Variants in SMG7 observed in about 807,000 individuals in gnomAD.
SMG7 encodes SMG7 nonsense mediated mRNA decay factor.
In SMG7, 34 loss-of-function variants were observed where a neutral mutation model predicts 148.2. The ratio of observed to expected loss-of-function variants is 0.23; its 90% CI spans 0.17 to 0.31. The LOEUF is 0.31. SMG7 is among the 10% of genes least tolerant of loss of function. The pLI is 1.00. For synonymous variants in SMG7, 492 were observed against 515.1 expected, an observed-to-expected ratio of 0.96 and a Z score of 0.61; for missense variants, 1,114 against 1,408.4, an observed-to-expected ratio of 0.79 and a Z score of 3.35.
In SMG7 at chr1:183,527,854, A is replaced by C. The variant is rs74129810; in HGVS notation, c.485-102A>C. On this transcript the variant is annotated intron_variant, in intron 5 of 22. Transcript: ENST00000688051. This position sits in a 1 kb window ranked among gnomAD's most constrained non-coding sequence, Gnocchi z 4.0. ...TTGTCTTTAATTTTAAATTAACTTT[A>C]ATGTCTTTATTATCTTTAGAACTTA... 5.4e-6 allele frequency: 4 copies of C among 735,514 alleles called. No individual in the cohort carries two copies. The highest frequency in any genetic ancestry group is 9.3e-6 in the Non-Finnish European group (4 of 428,276). 45.6% of individuals were successfully genotyped at this position (735,514 alleles called of 1,614,324 possible).
chr1:183,487,091 C>G (rs1655635870), intron 1 of SMG7, among the ~76,000 whole-genome samples: 1 of 152,178 alleles, frequency 6.6e-6, no homozygotes, highest in African/African-American at 2.4e-5. Flanking sequence ...CCTGCTCTAA[C>G]AAATTACTAC....
intron 1 of SMG7, among the ~76,000 whole-genome samples, chr1:183,493,379 T>TA (rs1657555649): frequency 6.6e-6 from 1 of 152,242 alleles, no homozygotes; most frequent in Non-Finnish European, 1.5e-5. Context: ...TATATATATA[T>TA]TTTTAAATTT....
chr1:183,474,331 G>A (rs1651553332), intron 1 of SMG7, among the ~76,000 whole-genome samples: 1 of 152,244 alleles, frequency 6.6e-6, no homozygotes, highest in Non-Finnish European at 1.5e-5. Flanking sequence ...GGGAGGCCTA[G>A]GCGGGAGGAT....
chr1:183,499,146 A>G (rs1404547728), intron 1 of SMG7, among the ~76,000 whole-genome samples: 1 of 152,210 alleles, frequency 6.6e-6, no homozygotes, highest in African/African-American at 2.4e-5. Flanking sequence ...CCTTTCCCCT[A>G]CTGAAGGATA....
At chr1:183,495,075 C>T (rs1283731341) in intron 1 of SMG7, among the ~76,000 whole-genome samples, 1 of 152,056 alleles carries the variant, frequency 6.6e-6, no homozygotes, top group East Asian at 1.9e-4. Flanking sequence ...GATCCATCCA[C>T]CTCGGCCTCT....
chr1:183,495,695 C>A (rs192405203), intron 1 of SMG7, among the ~76,000 whole-genome samples: 1 of 152,140 alleles, frequency 6.6e-6, no homozygotes, highest in South Asian at 2.1e-4. Context: ...ATGGGGAAAC[C>A]CATCTCTACT....
At chr1:183,507,550 C>T (rs1306692702) in intron 1 of SMG7, among the ~76,000 whole-genome samples, 1 of 152,104 alleles carries the variant, frequency 6.6e-6, no homozygotes, top group Non-Finnish European at 1.5e-5. Flanking sequence ...GTTTCTTGCA[C>T]TATAAAGTGG....
Position 183,552,381 on chromosome 1 carries a change from CTTA to C in SMG7, c.*451_*453del. Reference sequence around the variant, plus strand: ...GACTGAGAATGTAGTTGAAATTATTCTTAAACATCTTTTATTATTATTACTCTC... The same window carrying C: ...GACTGAGAATGTAGTTGAAATTATTCAACATCTTTTATTATTATTACTCTC... On this transcript the variant is annotated 3_prime_UTR_variant, in exon 23 of 23. Transcript: ENST00000688051. The C allele has an allele frequency of 1.3e-6, 1 of 747,742 alleles. No homozygotes were observed. The highest frequency in any genetic ancestry group is 3.3e-5 in the African/African-American group (1 of 30,540). 46.3% of individuals were successfully genotyped at this position (747,742 alleles called of 1,614,324 possible). A position where few individuals can be genotyped will look rare whatever the true frequency, so the allele number is the denominator to read the frequency against.
intron 4 of SMG7, among the ~76,000 whole-genome samples, chr1:183,526,155 TA>T (rs143519693): frequency 0.62 from 70,294 of 112,980 alleles, 17,601 homozygotes; most frequent in East Asian, 0.69. Context: ...TATATATATA[TA>T]TTTTTTTTTT....
chr1:183,498,709 C>A (rs1428651047), intron 1 of SMG7, among the ~76,000 whole-genome samples: 1 of 152,136 alleles, frequency 6.6e-6, no homozygotes, highest in African/African-American at 2.4e-5. Flanking sequence ...ATGAACATTC[C>A]CCACCAGAGT....
chr1:183,520,071 C>A (rs940467095), intron 4 of SMG7, among the ~76,000 whole-genome samples: 2 of 151,224 alleles, frequency 1.3e-5, no homozygotes, highest in African/African-American at 2.4e-5. Flanking sequence ...TAGATCAGTG[C>A]ATATTTAATA....
Position 183,542,349 on chromosome 1 carries a change from T to C in SMG7, c.1689T>C (p.Ser563=). 1 of 1,613,844 alleles carries C rather than the reference T, an allele frequency of 6.2e-7. No homozygotes were observed. Among genetic ancestry groups the C allele is most frequent in the Non-Finnish European group, 8.5e-7 (1 of 1,179,950 alleles). The part of the protein sequence containing the change: ...TREVNRDQGR[S]FPPKEVRRDY... ...AAGTGAACAGAGACCAAGGAAGAAG[T>C]TTTCCTCCCAAAGAGGTGAGAAGGG... The change falls in exon 14 of 23, where the codon AGT becomes AGC. Residue 563 remains serine (S), a synonymous_variant. Transcript: ENST00000688051.
rs763578957 is a variant in SMG7, at chr1:183,541,013, G to T, written c.1325G>T (p.Gly442Val). Residue 442 changes from glycine (G) to valine (V), a missense_variant, in exon 13 of 23, where the codon GGT (glycine) becomes GTT (valine). Around this residue, in one of 4 missense-constraint regions of SMG7, gnomAD observed 788 missense variants for 894.5 expected, o/e 0.88. Transcript: ENST00000688051. ...RNLDFSKGHQGITGDKEGQQR... is the reference protein window; with the variant it reads ...RNLDFSKGHQVITGDKEGQQR... ...TTGGATTTTTCCAAAGGTCACCAGGGTATTACAGGGGACAAAGAAGGCCAG... is the reference window on the plus strand; with the variant it reads ...TTGGATTTTTCCAAAGGTCACCAGGTTATTACAGGGGACAAAGAAGGCCAG... 3.1e-6 allele frequency: 5 copies of T among 1,613,312 alleles called. No homozygotes were observed. In the South Asian group the frequency reaches 4.4e-5, roughly 14 times the overall value.
At chr1:183,515,696 C>G (rs1354562442) in intron 2 of SMG7, among the ~76,000 whole-genome samples, 178 bp from the exon 3 acceptor site, 3 of 148,698 alleles carry the variant, frequency 2.0e-5, no homozygotes, top group African/African-American at 7.5e-5. Context: ...AGTCATTAGT[C>G]AAAAGTTGAA....
At chr1:183,533,987 G>A (rs895585764) in intron 10 of SMG7, among the ~76,000 whole-genome samples, 155 bp downstream of exon 10, 3 of 152,082 alleles carry the variant, frequency 2.0e-5, no homozygotes, top group African/African-American at 4.8e-5. Context: ...CTCTTTGTAC[G>A]CTTTTCATTT....
chr1:183,502,321 G>A (rs762958986), intron 1 of SMG7: 56 of 1,534,474 alleles, frequency 3.6e-5, no homozygotes, highest in East Asian at 2.7e-4. Context: ...GGGAGAAAAC[G>A]TTTCATTTAA....
chr1:183,516,344 C>A (rs1296947560), intron 3 of SMG7, among the ~76,000 whole-genome samples: 2 of 152,042 alleles, frequency 1.3e-5, no homozygotes, highest in Non-Finnish European at 2.9e-5. Flanking sequence ...CAAGAATAGG[C>A]TTTAGAAAAA....
intron 1 of SMG7, among the ~76,000 whole-genome samples, chr1:183,512,174 G>A (rs944066630): frequency 6.6e-6 from 1 of 151,990 alleles, no homozygotes; most frequent in Non-Finnish European, 1.5e-5. Flanking sequence ...ATGAAGTGAG[G>A]GAAGTCTCAA....
intron 1 of SMG7, among the ~76,000 whole-genome samples, chr1:183,512,091 G>T (rs1041965277): frequency 6.6e-6 from 1 of 152,156 alleles, no homozygotes; most frequent in Non-Finnish European, 1.5e-5. Flanking sequence ...AGAGGGGAAC[G>T]TGGGGCAGAA....
Sources: allele counts gnomAD v4.1 joint callset (sites outside exome capture counted in the v4.1 genomes callset), GRCh38; gene constraint gnomAD v4.1.1; regional missense constraint gnomAD v4.1.1; non-coding constraint Gnocchi (gnomAD v3.1); transcripts MANE v1.5; gene names NCBI Gene and HGNC (gene_info 2026-07-23, HGNC 2026-07-21).